The following CACNG3 variants were observed in gnomAD, a reference collection of about 807,000 sequenced individuals.
CACNG3 encodes calcium voltage-gated channel auxiliary subunit gamma 3.
In CACNG3, 3 loss-of-function variants were observed where a neutral mutation model predicts 28.5. That is an observed-to-expected ratio of 0.11 (90% confidence interval 0.05 to 0.27). The LOEUF is 0.27. CACNG3 is among the 10% of genes least tolerant of loss of function. The pLI is 1.00. For synonymous variants in CACNG3, 174 were observed against 162.2 expected, an observed-to-expected ratio of 1.07 and a Z score of -0.55; for missense variants, 236 against 414.4, an observed-to-expected ratio of 0.57 and a Z score of 3.74.
chr16:24,307,919 G>A (rs1387145979), intron 1 of CACNG3, among the ~76,000 whole-genome samples: 2 of 152,140 alleles, frequency 1.3e-5, no homozygotes, highest in African/African-American at 4.8e-5. Context: ...AAGATGAGGT[G>A]GGCTGGGGTG....
At chr16:24,269,331 T>C (rs985505088) in intron 1 of CACNG3, among the ~76,000 whole-genome samples, 5 of 152,226 alleles carry the variant, frequency 3.3e-5, no homozygotes, top group Non-Finnish European at 4.4e-5. Context: ...CTTATACTAA[T>C]CCCTAACAAT....
chr16:24,361,750 C>G lies in CACNG3; in HGVS notation c.835C>G (p.Leu279Val). Residue 279 changes from leucine (L) to valine (V), a missense_variant, in exon 4 of 4, where the codon CTC (leucine) becomes GTC (valine). Physicochemically the swap from Leu to Val is conservative, Grantham distance 32 (BLOSUM62 1). This residue lies in a region of CACNG3 where 116 missense variants were observed against 151.0 expected (regional missense o/e 0.77). Coordinates refer to ENST00000005284, the MANE Select transcript of CACNG3 (RefSeq NM_006539.4). This position sits in a 1 kb window ranked among gnomAD's most constrained non-coding sequence, Gnocchi z 6.8. ...RDPSKITMGT[L>V]LNSDRDHAFL... ...CCCCTCAAAGATCACCATGGGGACCCTCCTCAACTCCGACCGGGACCACGC... is the reference window on the plus strand; with the variant it reads ...CCCCTCAAAGATCACCATGGGGACCGTCCTCAACTCCGACCGGGACCACGC... The G allele has an allele frequency of 6.2e-7, 1 of 1,614,036 alleles. No individual in the cohort carries two copies. Among genetic ancestry groups the G allele is most frequent in the Non-Finnish European group, 8.5e-7 (1 of 1,180,002 alleles).
intron 1 of CACNG3, among the ~76,000 whole-genome samples, chr16:24,319,012 G>T (rs1899422634): frequency 6.6e-6 from 1 of 152,146 alleles, no homozygotes; most frequent in African/African-American, 2.4e-5. Context: ...AAATCATTTT[G>T]TTTTCATTGT....
chr16:24,314,381 C>G (rs1899317784), intron 1 of CACNG3, among the ~76,000 whole-genome samples: 1 of 152,148 alleles, frequency 6.6e-6, no homozygotes, highest in Non-Finnish European at 1.5e-5. Context: ...AAGTAAGAAT[C>G]CCCTTGGCCC....
intron 1 of CACNG3, among the ~76,000 whole-genome samples, chr16:24,323,239 A>AG (rs989063900): frequency 2.1e-5 from 3 of 143,076 alleles, no homozygotes; most frequent in South Asian, 2.3e-4. Flanking sequence ...AAAAAAAAAA[A>AG]AGAGAGAGAG....
intron 2 of CACNG3, among the ~76,000 whole-genome samples, chr16:24,352,367 G>A (rs960905942): frequency 2.0e-5 from 3 of 151,464 alleles, no homozygotes; most frequent in Non-Finnish European, 4.4e-5. Flanking sequence ...AAGACCAAAC[G>A]CAACTCGCAG....
At chr16:24,295,421 C>T (rs1899018720) in intron 1 of CACNG3, among the ~76,000 whole-genome samples, 1 of 152,192 alleles carries the variant, frequency 6.6e-6, no homozygotes, top group South Asian at 2.1e-4. Context: ...CAATTTCTGC[C>T]TACGTTGTTG....
At chr16:24,332,148 C>T (rs1899639251) in intron 1 of CACNG3, among the ~76,000 whole-genome samples, 1 of 152,152 alleles carries the variant, frequency 6.6e-6, no homozygotes, top group Non-Finnish European at 1.5e-5. Flanking sequence ...AGGTGCCTCT[C>T]CAGATATCTA....
intron 3 of CACNG3, 40 bp downstream of exon 3, chr16:24,355,013 C>T (rs1900010943): frequency 6.3e-7 from 1 of 1,590,642 alleles, no homozygotes; most frequent in African/African-American, 1.3e-5. Flanking sequence ...TCACAGATAC[C>T]AAACTGAAGC....
At chr16:24,278,115 T>C (rs1898776434) in intron 1 of CACNG3, among the ~76,000 whole-genome samples, 2 of 152,106 alleles carry the variant, frequency 1.3e-5, no homozygotes, top group Non-Finnish European at 2.9e-5. Flanking sequence ...GCAATAACTT[T>C]AGAGAGAGAA....
At chr16:24,328,050 G>C (rs1899581809) in intron 1 of CACNG3, among the ~76,000 whole-genome samples, 1 of 152,148 alleles carries the variant, frequency 6.6e-6, no homozygotes, top group Non-Finnish European at 1.5e-5. Context: ...CCAGGTCCTG[G>C]GAAGACAGTG....
At chr16:24,261,799 G>GA (rs1898540347) in intron 1 of CACNG3, among the ~76,000 whole-genome samples, 2 of 152,090 alleles carry the variant, frequency 1.3e-5, no homozygotes, top group African/African-American at 2.4e-5. Context: ...AAAAACTGGA[G>GA]AAAAAAATTA....
intron 1 of CACNG3, among the ~76,000 whole-genome samples, chr16:24,300,747 C>T (rs1409205663): frequency 1.3e-5 from 2 of 152,018 alleles, no homozygotes; most frequent in African/African-American, 4.8e-5. Context: ...AAAACCCCGT[C>T]TCTACTAAAA....
chr16:24,268,769 G>C (rs1160867827), intron 1 of CACNG3, among the ~76,000 whole-genome samples: 2 of 152,188 alleles, frequency 1.3e-5, no homozygotes, highest in African/African-American at 4.8e-5. Context: ...TGGAGTTGGG[G>C]TGTTCGCCAA....
At chr16:24,260,957 T>C (rs187020309) in intron 1 of CACNG3, among the ~76,000 whole-genome samples, 182 of 152,274 alleles carry the variant, frequency 1.2e-3, no homozygotes, top group Non-Finnish European at 2.0e-3. Context: ...CCTCATGAAG[T>C]CCTGGAGACA....
At position 24,317,586 on chromosome 16, in the gene CACNG3, G is replaced by GGA. The variant is rs769754821; in HGVS notation, c.212-29148_212-29147insGA. 9.5e-4 allele frequency among the ~76,000 whole-genome samples: 55 copies of GGA among 58,038 alleles called. 4 individuals carry two copies. The East Asian group carries it at 0.015, about 16-fold the overall frequency. The allele number at this position is 58,038 out of a possible 152,430, so 38.1% of individuals were successfully genotyped here. A position where few individuals can be genotyped will look rare whatever the true frequency, so the allele number is the denominator to read the frequency against. The stretch of plus-strand genomic sequence containing the variant: ...AGAAAGAAAGAAAGAAAGAAAGAAA[G>GGA]AAAGAAAGAAAGAAAGAAAGAAAGA... On this transcript the variant is annotated intron_variant, in intron 1 of 3. Coordinates refer to ENST00000005284, the MANE Select transcript of CACNG3 (RefSeq NM_006539.4).
intron 1 of CACNG3, among the ~76,000 whole-genome samples, chr16:24,331,102 A>G (rs1323207001): frequency 1.3e-5 from 2 of 152,204 alleles, no homozygotes; most frequent in African/African-American, 4.8e-5. Flanking sequence ...CTCCTACAGC[A>G]GTGCCTACAA....
At chr16:24,260,786 G>A (rs916762124) in intron 1 of CACNG3, among the ~76,000 whole-genome samples, 1 of 152,208 alleles carries the variant, frequency 6.6e-6, no homozygotes, top group African/African-American at 2.4e-5. Flanking sequence ...GACCTGTGTA[G>A]AGACACCCAC....
At chr16:24,346,965 C>T (rs2141380130) in intron 2 of CACNG3, 148 bp downstream of exon 2, 1 of 631,740 alleles carries the variant, frequency 1.6e-6, no homozygotes, top group South Asian at 1.9e-5. Context: ...CACAGAGACA[C>T]TCAAGTGGTT....
Sources: allele counts gnomAD v4.1 joint callset (sites outside exome capture counted in the v4.1 genomes callset), GRCh38; gene constraint gnomAD v4.1.1; regional missense constraint gnomAD v4.1.1; non-coding constraint Gnocchi (gnomAD v3.1); transcripts MANE v1.5; gene names NCBI Gene and HGNC (gene_info 2026-07-23, HGNC 2026-07-21).